CSMD3: variants seen among roughly 807,000 people sequenced by gnomAD.
CSMD3 encodes CUB and Sushi multiple domains 3, also known as CUB and sushi domain-containing protein 3.
In CSMD3, 177 loss-of-function variants were observed where a neutral mutation model predicts 435.2. The observed-to-expected ratio is 0.41, with a 90% CI of 0.36 to 0.46. The LOEUF is 0.46. CSMD3 is among the 20% of genes least tolerant of loss of function. The probability of loss-of-function intolerance (pLI) is 0.34; values close to 1 mark genes in which losing one functional copy is unlikely to be tolerated. For missense variants in CSMD3, 4,265 were observed against 4,504.6 expected, an observed-to-expected ratio of 0.95 and a Z score of 1.52; for synonymous variants, 1,656 against 1,520.5, an observed-to-expected ratio of 1.09 and a Z score of -2.07.
At chr8:112,517,264 T>C (rs766881626) in intron 27 of CSMD3, 39 bp from the exon 28 acceptor site, 2 of 1,483,568 alleles carry the variant, frequency 1.3e-6, no homozygotes, top group Non-Finnish European at 9.4e-7. Context: ...TTTTGATAAC[T>C]ACCAAAATCA....
intron 10 of CSMD3, among the ~76,000 whole-genome samples, chr8:112,863,040 T>C (rs1417453161): frequency 6.6e-6 from 1 of 152,060 alleles, no homozygotes; most frequent in Non-Finnish European, 1.5e-5. Flanking sequence ...TTTCTCTTTG[T>C]ACACTTTTCC....
intron 12 of CSMD3, among the ~76,000 whole-genome samples, chr8:112,807,338 G>T (rs1370609372): frequency 6.6e-6 from 1 of 152,118 alleles, no homozygotes; most frequent in Non-Finnish European, 1.5e-5. Flanking sequence ...ATTTACTGGT[G>T]GACATGTACT....
At chr8:112,545,482 CAAA>C (rs71566032) in intron 27 of CSMD3, among the ~76,000 whole-genome samples, 4 of 26,894 alleles carry the variant, frequency 1.5e-4, no homozygotes, top group Admixed American at 5.3e-4. Flanking sequence ...GACTCCATCT[CAAA>C]AAAAAAAAAA....
intron 32 of CSMD3, among the ~76,000 whole-genome samples, chr8:112,424,480 C>T (rs988214865): frequency 3.3e-5 from 5 of 152,114 alleles, no homozygotes; most frequent in Admixed American, 2.0e-4. Context: ...TAACTCACTT[C>T]AAAACACAAA....
intron 10 of CSMD3, among the ~76,000 whole-genome samples, chr8:112,867,121 T>A (rs1192845385): frequency 6.6e-6 from 1 of 152,098 alleles, no homozygotes; most frequent in Non-Finnish European, 1.5e-5. Context: ...ACAATGAGAT[T>A]CGGATGTTGA....
chr8:113,320,942 T>G (rs1007932137), intron 1 of CSMD3, among the ~76,000 whole-genome samples: 1 of 152,152 alleles, frequency 6.6e-6, no homozygotes, highest in Admixed American at 6.5e-5. Context: ...TAGTCATCCA[T>G]GTCCTTTGCT....
At chr8:112,937,259 A>G (rs1464170963) in intron 9 of CSMD3, among the ~76,000 whole-genome samples, 1 of 151,958 alleles carries the variant, frequency 6.6e-6, no homozygotes, top group Non-Finnish European at 1.5e-5. Context: ...GCTAGTTTTT[A>G]TATGGTAATA....
intron 3 of CSMD3, among the ~76,000 whole-genome samples, chr8:113,176,857 A>G (rs973010915): frequency 6.6e-6 from 1 of 151,944 alleles, no homozygotes; most frequent in Non-Finnish European, 1.5e-5. Context: ...ACTTTTACCT[A>G]TGTAACAAAC....
chr8:112,962,336 A>G (rs2084262455), intron 7 of CSMD3, among the ~76,000 whole-genome samples: 1 of 151,878 alleles, frequency 6.6e-6, no homozygotes, highest in Non-Finnish European at 1.5e-5. Flanking sequence ...ATATTATTAC[A>G]TTAAATATTT....
At chr8:112,835,060 TG>T (rs2079982703) in intron 11 of CSMD3, among the ~76,000 whole-genome samples, 1 of 151,856 alleles carries the variant, frequency 6.6e-6, no homozygotes, top group Non-Finnish European at 1.5e-5. Context: ...TGTTGCTTAT[TG>T]AGGTTTGAAT....
At chr8:112,445,398 T>G (rs1815487811) in intron 32 of CSMD3, among the ~76,000 whole-genome samples, 2 of 152,132 alleles carry the variant, frequency 1.3e-5, no homozygotes. Flanking sequence ...ACAGGATACA[T>G]GGCGCTGGCA....
At chr8:112,781,999 A>C (rs1587276499) in intron 13 of CSMD3, among the ~76,000 whole-genome samples, 1 of 152,156 alleles carries the variant, frequency 6.6e-6, no homozygotes, top group Non-Finnish European at 1.5e-5. Flanking sequence ...GACTGTGAAG[A>C]TTGCAATAAA....
chr8:113,345,304 T>A (rs1039812482), intron 1 of CSMD3, among the ~76,000 whole-genome samples: 1 of 152,150 alleles, frequency 6.6e-6, no homozygotes, highest in Non-Finnish European at 1.5e-5. Context: ...AAGTACAATC[T>A]TTTTATGTTA....
intron 29 of CSMD3, among the ~76,000 whole-genome samples, chr8:112,505,074 T>C (rs979138598): frequency 7.6e-4 from 115 of 152,266 alleles, no homozygotes; most frequent in Non-Finnish European, 1.5e-4. Flanking sequence ...CCTTTACATA[T>C]GCATGTACAA....
chr8:112,875,286 C>T (rs2081250392), intron 10 of CSMD3, among the ~76,000 whole-genome samples: 1 of 152,098 alleles, frequency 6.6e-6, no homozygotes, highest in Non-Finnish European at 1.5e-5. Context: ...CAGAGAGTTC[C>T]ACCGTTAGTC....
At chr8:112,537,931 A>G (rs1403240871) in intron 27 of CSMD3, among the ~76,000 whole-genome samples, 1 of 152,070 alleles carries the variant, frequency 6.6e-6, no homozygotes, top group Non-Finnish European at 1.5e-5. Flanking sequence ...AAAAGAAAAC[A>G]AAGAGCCTCA....
intron 1 of CSMD3, among the ~76,000 whole-genome samples, chr8:113,432,574 G>C (rs2094681215): frequency 6.6e-6 from 1 of 152,172 alleles, no homozygotes; most frequent in African/African-American, 2.4e-5. Context: ...CTTGAGCCGG[G>C]GGCTGCCCTC....
At position 112,511,783 on chromosome 8, in the gene CSMD3, T is replaced by C. The variant is rs559378489; in HGVS notation, c.4757-4954A>G. Among the ~76,000 whole-genome samples, 12 of 152,288 alleles carry C rather than the reference T, an allele frequency of 7.9e-5. No individual in the cohort carries two copies. In the East Asian group the frequency reaches 2.3e-3, roughly 29 times the overall value. On this transcript the variant is annotated intron_variant, in intron 28 of 70. Transcript: ENST00000297405. Reference sequence around the variant, plus strand: ...GCTATTTGATTGCATTTACCCACAGTAGAACTTCTTGGAGACACTCCTCTC... The same window carrying C: ...GCTATTTGATTGCATTTACCCACAGCAGAACTTCTTGGAGACACTCCTCTC...
At chr8:113,121,891 G>T (rs142291307) in intron 4 of CSMD3, among the ~76,000 whole-genome samples, 9 of 152,144 alleles carry the variant, frequency 5.9e-5, no homozygotes, top group African/African-American at 1.9e-4. Context: ...TTTAAAATCT[G>T]AATCTGGATT....
Sources: gnomAD v4.1 joint callset for allele counts (sites outside exome capture counted in the v4.1 genomes callset) on GRCh38, gnomAD v4.1.1 for gene constraint, MANE v1.5 for transcripts, NCBI Gene and HGNC (gene_info 2026-07-23, HGNC 2026-07-21) for gene names.